The following NBAS variants were observed in gnomAD, a reference collection of about 807,000 sequenced individuals.
NBAS encodes the protein NBAS subunit of NRZ tethering complex.
NBAS carries 219 observed loss-of-function variants against 302.5 expected under a neutral mutation model. That is an observed-to-expected ratio of 0.72 (90% CI 0.65 to 0.81). The LOEUF is 0.81. NBAS is among the 30% of genes least tolerant of loss of function. The pLI, the probability that NBAS is intolerant of heterozygous loss-of-function variation, is 0.00. For missense variants in NBAS, 2,932 were observed against 2,841.6 expected (o/e 1.03, Z -0.72); for synonymous variants, 1,118 against 1,021.6 (o/e 1.09, Z -1.80).
chr2:15,318,459 G>A (rs1464682806), intron 38 of NBAS, among the ~76,000 whole-genome samples: 2 of 152,190 alleles, frequency 1.3e-5, no homozygotes, highest in Middle Eastern at 3.4e-3. Context: ...GGCAAATTGG[G>A]TAAAGAGTCA....
chr2:14,921,593 A>G, the NBAS span, among the ~76,000 whole-genome samples: 1 of 152,204 alleles, frequency 6.6e-6, no homozygotes, highest in African/African-American at 2.4e-5. Flanking sequence ...CTAATCCACT[A>G]GGAGAATCAA....
the NBAS span, among the ~76,000 whole-genome samples, chr2:15,074,425 G>A: frequency 6.7e-6 from 1 of 149,476 alleles, no homozygotes; most frequent in Non-Finnish European, 1.5e-5. Context: ...AAGGAGGGAA[G>A]GAAGGAAGGA....
At chr2:14,931,347 G>C in the NBAS span, among the ~76,000 whole-genome samples, 22,711 of 152,116 alleles carry the variant, frequency 0.15, 1,724 homozygotes, top group South Asian at 0.18. Flanking sequence ...GTATGTGAGG[G>C]GTTTGCTGGG....
the NBAS span, among the ~76,000 whole-genome samples, chr2:15,079,919 C>T: frequency 1.3e-5 from 2 of 152,284 alleles, no homozygotes; most frequent in South Asian, 2.1e-4. Context: ...GTAATTCAAA[C>T]TTATTTGGCA....
intron 48 of NBAS, among the ~76,000 whole-genome samples, chr2:15,218,264 A>G (rs1666743127): frequency 1.3e-5 from 2 of 152,338 alleles, no homozygotes; most frequent in South Asian, 4.1e-4. Flanking sequence ...TCTACCATGC[A>G]TATGCATGTT....
the NBAS span, among the ~76,000 whole-genome samples, chr2:14,911,364 C>G: frequency 5.3e-5 from 8 of 152,192 alleles, no homozygotes; most frequent in Non-Finnish European, 1.0e-4. Flanking sequence ...GGAGAGTGAT[C>G]CTTCCACCTT....
the NBAS span, among the ~76,000 whole-genome samples, chr2:14,964,845 G>C: frequency 6.6e-6 from 1 of 152,082 alleles, no homozygotes; most frequent in African/African-American, 2.4e-5. Context: ...ATGTTGTCCA[G>C]CCAAATGAAA....
At chr2:15,322,136 G>A (rs1671837328) in intron 38 of NBAS, among the ~76,000 whole-genome samples, 1 of 151,114 alleles carries the variant, frequency 6.6e-6, no homozygotes, top group Admixed American at 6.6e-5. Context: ...ACTATCACAA[G>A]GACAGAAAAC....
At position 15,205,943 on chromosome 2, in the gene NBAS, T is replaced by C. The variant is rs560418004; in HGVS notation, c.6432+12830A>G. Among the ~76,000 whole-genome samples, 19 of 152,168 alleles carry C rather than the reference T, an allele frequency of 1.2e-4. No homozygotes were observed. The South Asian group carries it at 3.7e-3, about 30-fold the overall frequency. Reference sequence around the variant, plus strand: ...TTATAGCAGTGTGAAAAAGGACTAATATAGAAAATCAGTACCGAGATAGTG... The same window carrying C: ...TTATAGCAGTGTGAAAAAGGACTAACATAGAAAATCAGTACCGAGATAGTG... On this transcript the variant is annotated intron_variant, in intron 48 of 51. Coordinates refer to ENST00000281513, the MANE Select transcript of NBAS (RefSeq NM_015909.4).
At chr2:15,098,751 G>T in the NBAS span, among the ~76,000 whole-genome samples, 16 of 138,660 alleles carry the variant, frequency 1.2e-4, no homozygotes, top group Non-Finnish European at 2.3e-4. Flanking sequence ...AACAAACTAT[G>T]ACCTACAGGG....
At chr2:15,110,708 T>C in the NBAS span, among the ~76,000 whole-genome samples, 2 of 152,058 alleles carry the variant, frequency 1.3e-5, no homozygotes, top group East Asian at 3.9e-4. Context: ...TACCTAATTA[T>C]ACTAACATTC....
chr2:15,049,260 C>T, the NBAS span, among the ~76,000 whole-genome samples: 3 of 152,244 alleles, frequency 2.0e-5, no homozygotes, highest in Non-Finnish European at 2.9e-5. Flanking sequence ...TGTTCCTGGA[C>T]TCCCTGAGTC....
the NBAS span, among the ~76,000 whole-genome samples, chr2:14,968,548 C>T: frequency 6.6e-6 from 1 of 152,188 alleles, no homozygotes; most frequent in African/African-American, 2.4e-5. Context: ...AGAAATCCTC[C>T]TGCCCCAGTC....
chr2:15,256,885 C>T (rs1668625139), intron 44 of NBAS, among the ~76,000 whole-genome samples: 1 of 152,128 alleles, frequency 6.6e-6, no homozygotes, highest in African/African-American at 2.4e-5. Context: ...GTTAATTCAT[C>T]CCTGCATCCC....
the NBAS span, among the ~76,000 whole-genome samples, chr2:14,881,720 C>A: frequency 1.3e-5 from 2 of 152,192 alleles, no homozygotes; most frequent in Non-Finnish European, 2.9e-5. Context: ...GGAACACAGC[C>A]ACCCTATTCA....
chr2:15,430,375 CAAT>C (rs1274797700), intron 21 of NBAS, among the ~76,000 whole-genome samples: 4 of 152,068 alleles, frequency 2.6e-5, no homozygotes, highest in African/African-American at 4.8e-5. Context: ...ATGATGATGA[CAAT>C]GATGATGATA....
chr2:14,830,890 T>C, the NBAS span, among the ~76,000 whole-genome samples: 2 of 152,236 alleles, frequency 1.3e-5, no homozygotes, highest in Non-Finnish European at 1.5e-5. Flanking sequence ...TGCCCATTTC[T>C]GTGGTATAAA....
At chr2:15,343,876 T>A (rs188847956) in intron 35 of NBAS, among the ~76,000 whole-genome samples, 12 of 149,190 alleles carry the variant, frequency 8.0e-5, no homozygotes, top group African/African-American at 3.0e-4. Flanking sequence ...TCAGGAACAT[T>A]AAACATTTTT....
the NBAS span, among the ~76,000 whole-genome samples, chr2:15,074,833 G>T: frequency 1.3e-5 from 2 of 152,094 alleles, no homozygotes; most frequent in Non-Finnish European, 2.9e-5. Context: ...ACCACATATG[G>T]ATAGAATTAA....
Sources: allele counts gnomAD v4.1 joint callset (sites outside exome capture counted in the v4.1 genomes callset), GRCh38; gene constraint gnomAD v4.1.1; transcripts MANE v1.5; gene names NCBI Gene and HGNC (gene_info 2026-07-23, HGNC 2026-07-21).